The following TPO variants were observed in gnomAD, a reference collection of about 807,000 sequenced individuals.
TPO encodes the protein thyroid peroxidase, also known as thyroid microsomal antigen.
TPO carries 78 observed loss-of-function variants against 96.9 expected under a neutral mutation model. That is an observed-to-expected ratio of 0.81 (90% CI 0.67 to 0.97). The LOEUF (loss-of-function observed/expected upper bound fraction) is 0.97. Ranked by LOEUF, TPO falls within the 50% of genes least tolerant of loss-of-function variation. The pLI, the probability that TPO is intolerant of heterozygous loss-of-function variation, is 0.00. For synonymous variants in TPO, 547 were observed against 538.0 expected (o/e 1.02, Z -0.23); for missense variants, 1,252 against 1,274.8 (o/e 0.98, Z 0.27).
At chr2:1,381,077 A>C (rs1042151935) in intron 1 of TPO, among the ~76,000 whole-genome samples, 3 of 152,174 alleles carry the variant, frequency 2.0e-5, no homozygotes, top group Non-Finnish European at 4.4e-5. Flanking sequence ...TGCACCCATC[A>C]AGGTAATACC....
chr2:1,478,462 A>G, intron 8 of TPO: 1 of 949,546 alleles, frequency 1.1e-6, no homozygotes, highest in South Asian at 4.9e-5. Flanking sequence ...GAGGAGGCAC[A>G]GGGGCTGTGT....
At chr2:1,502,883 C>A in intron 13 of TPO, among the ~76,000 whole-genome samples, 1 of 152,194 alleles carries the variant, frequency 6.6e-6, no homozygotes, top group East Asian at 1.9e-4. Context: ...GCCAAGCCTC[C>A]CCCGGGGTTA....
intron 5 of TPO, among the ~76,000 whole-genome samples, chr2:1,447,240 C>A (rs1188265494): frequency 6.6e-6 from 1 of 152,216 alleles, no homozygotes; most frequent in Admixed American, 6.5e-5. Flanking sequence ...AGCCTGCTGC[C>A]TGGAGACTTC....
At chr2:1,451,699 G>A (rs1268607789) in intron 5 of TPO, among the ~76,000 whole-genome samples, 1 of 152,180 alleles carries the variant, frequency 6.6e-6, no homozygotes, top group Non-Finnish European at 1.5e-5. Flanking sequence ...GGGCGTGACT[G>A]ACAGATACCA....
chr2:1,426,213 A>T (rs539533526), intron 3 of TPO, among the ~76,000 whole-genome samples: 1 of 146,402 alleles, frequency 6.8e-6, no homozygotes, highest in Admixed American at 6.7e-5. Flanking sequence ...CCTTCCGTAA[A>T]GTCATTGTTC....
At chr2:1,461,639 C>T (rs1009530228) in intron 7 of TPO, among the ~76,000 whole-genome samples, 20 of 152,118 alleles carry the variant, frequency 1.3e-4, no homozygotes, top group Admixed American at 3.9e-4. Context: ...CACAGGTGAC[C>T]GTGACCGCCC....
intron 1 of TPO, among the ~76,000 whole-genome samples, chr2:1,394,892 A>G (rs1662055226): frequency 6.6e-6 from 1 of 152,146 alleles, no homozygotes; most frequent in African/African-American, 2.4e-5. Context: ...GGAACTCAGG[A>G]TGTGCCCCCA....
intron 7 of TPO, among the ~76,000 whole-genome samples, chr2:1,471,653 A>G (rs114781767): frequency 9.5e-4 from 145 of 152,092 alleles, no homozygotes; most frequent in African/African-American, 3.4e-3. Flanking sequence ...GCTCACTCCC[A>G]TGTTCTCCAC....
intron 5 of TPO, chr2:1,438,756 A>G (rs374249723): frequency 1.4e-6 from 1 of 702,910 alleles, no homozygotes. Context: ...TGATTTGCAA[A>G]CAGAAGAGAA....
At chr2:1,510,595 C>G (rs1364446227) in intron 14 of TPO, among the ~76,000 whole-genome samples, 1 of 152,140 alleles carries the variant, frequency 6.6e-6, no homozygotes, top group Non-Finnish European at 1.5e-5. Flanking sequence ...GAGGGCTCAC[C>G]CACTACGTCT....
chr2:1,464,256 C>G (rs1200192734), intron 7 of TPO, among the ~76,000 whole-genome samples: 1 of 152,160 alleles, frequency 6.6e-6, no homozygotes, highest in Non-Finnish European at 1.5e-5. Flanking sequence ...AGTAGTATTC[C>G]ATCGTATATA....
Position 1,542,598 on chromosome 2 carries a change from GTACCATGTCGTAGT to G in TPO, c.*128_*141del, listed in dbSNP as rs1680889497. The G allele has an allele frequency of 1.9e-6, 3 of 1,556,638 alleles. No homozygotes were observed. The highest frequency in any genetic ancestry group is 2.6e-6 in the Non-Finnish European group (3 of 1,149,330). ...TGTTTTCCCAACACGGGTAAATCTA[GTACCATGTCGTAGT>G]TACTCTCAGGCATGGATGAATAAAT... On this transcript the variant is annotated 3_prime_UTR_variant, in exon 17 of 17. Coordinates refer to ENST00000329066, the MANE Select transcript of TPO (RefSeq NM_001206744.2).
At chr2:1,423,007 G>A in intron 2 of TPO, 38 bp from the exon 3 acceptor site, 1 of 1,601,718 alleles carries the variant, frequency 6.2e-7, no homozygotes, top group Non-Finnish European at 8.6e-7. Context: ...TCGCTGAACT[G>A]TCATTGCGCT....
intron 2 of TPO, 95 bp from the exon 3 acceptor site, chr2:1,422,950 C>A: frequency 7.2e-7 from 1 of 1,381,224 alleles, no homozygotes; most frequent in Non-Finnish European, 1.0e-6. Flanking sequence ...ACGTGGGCAT[C>A]ACCGCAGCAA....
chr2:1,405,195 A>G (rs1365737671), intron 1 of TPO, among the ~76,000 whole-genome samples: 1 of 147,614 alleles, frequency 6.8e-6, no homozygotes, highest in Non-Finnish European at 1.5e-5. Flanking sequence ...TCATCCATCC[A>G]TTCATCCATC....
intron 2 of TPO, among the ~76,000 whole-genome samples, chr2:1,422,416 C>G (rs1663849327): frequency 9.8e-6 from 1 of 102,506 alleles, no homozygotes; most frequent in Non-Finnish European, 2.1e-5. Flanking sequence ...GAGCGAGAGC[C>G]TGGTGTGCCC....
chr2:1,538,290 C>T (rs192615580), intron 15 of TPO, among the ~76,000 whole-genome samples: 1 of 152,150 alleles, frequency 6.6e-6, no homozygotes, highest in East Asian at 1.9e-4. Context: ...GTGCTCCGAC[C>T]TGATACAAAG....
chr2:1,486,348 C>A (rs1671160722), intron 9 of TPO, among the ~76,000 whole-genome samples: 2 of 151,896 alleles, frequency 1.3e-5, no homozygotes, highest in Non-Finnish European at 2.9e-5. Flanking sequence ...ATGGTGAAAC[C>A]CCATCTCTAC....
At chr2:1,537,443 C>CG (rs1680021044) in intron 15 of TPO, among the ~76,000 whole-genome samples, 4 of 70,366 alleles carry the variant, frequency 5.7e-5, no homozygotes, top group South Asian at 5.8e-4. Flanking sequence ...TGCAAACTCC[C>CG]AAATCTCCCC....
Sources: gnomAD v4.1 joint callset for allele counts (sites outside exome capture counted in the v4.1 genomes callset) on GRCh38, gnomAD v4.1.1 for gene constraint, MANE v1.5 for transcripts, NCBI Gene and HGNC (gene_info 2026-07-23, HGNC 2026-07-21) for gene names.